The following NWD1 variants were observed in gnomAD, a reference collection of about 807,000 sequenced individuals.
The protein encoded by NWD1 is NACHT domain- and WD repeat-containing protein 1.
A neutral mutation model predicts 135.1 loss-of-function variants in NWD1; 129 were observed. The ratio of observed to expected loss-of-function variants is 0.96; its 90% CI spans 0.83 to 1.11. The LOEUF is 1.11. NWD1 is among the 50% of genes least tolerant of loss of function. The pLI, the probability that NWD1 is intolerant of heterozygous loss-of-function variation, is 0.00. For missense variants in NWD1, 1,740 were observed against 1,851.3 expected, an observed-to-expected ratio of 0.94 and a Z score of 1.10; for synonymous variants, 773 against 786.0, an observed-to-expected ratio of 0.98 and a Z score of 0.28.
chr19:16,795,571 C>T, intron 15 of NWD1, among the ~76,000 whole-genome samples: 1 of 152,050 alleles, frequency 6.6e-6, no homozygotes, highest in African/African-American at 2.4e-5. Context: ...CACCTGCTAC[C>T]ACGTCCCGCT....
intron 13 of NWD1, among the ~76,000 whole-genome samples, chr19:16,791,062 C>T (rs1266280318): frequency 6.6e-6 from 1 of 151,838 alleles, no homozygotes; most frequent in Admixed American, 6.6e-5. Context: ...TCAGACCCTG[C>T]CTCTACAAAA....
In NWD1 at chr19:16,779,466, G is replaced by A. The variant is rs1318909291; in HGVS notation, c.2731+1G>A. Reference sequence around the variant, plus strand: ...ATCCACATGCTAACTGGACACACAGGTGAGACTTGGGAAGTGGGCTTTGTG... The same window carrying A: ...ATCCACATGCTAACTGGACACACAGATGAGACTTGGGAAGTGGGCTTTGTG... On this transcript the variant is annotated splice_donor_variant, in intron 12 of 18. Transcript: ENST00000524140. LOFTEE classifies it high-confidence loss of function. The A allele has an allele frequency of 1.2e-6, 2 of 1,612,704 alleles. No homozygotes were observed. Among genetic ancestry groups the A allele is most frequent in the Non-Finnish European group, 1.7e-6 (2 of 1,179,928 alleles).
intron 6 of NWD1, among the ~76,000 whole-genome samples, chr19:16,752,389 C>T (rs1050165440): frequency 8.5e-5 from 13 of 152,156 alleles, no homozygotes; most frequent in African/African-American, 3.1e-4. Context: ...GGTGCAGTAG[C>T]TCACTCCTGT....
intron 8 of NWD1, among the ~76,000 whole-genome samples, chr19:16,762,606 T>C (rs1338070990): frequency 1.3e-5 from 2 of 152,198 alleles, no homozygotes; most frequent in Middle Eastern, 3.2e-3. Context: ...TTCTCCCTGA[T>C]GTTAAAATCT....
chr19:16,744,472 GAGA>G lies in NWD1; in HGVS notation c.253_255del (p.Lys85del). The G allele has an allele frequency of 1.3e-6, 2 of 1,535,790 alleles. No homozygotes were observed. The highest frequency in any genetic ancestry group is 1.4e-5 in the African/African-American group (1 of 73,134). Reference sequence around the variant, plus strand: ...CTGTCTGATTCCCTCGCGGATCGATGAGAAGGAGTGGGAGGTATTGAGGGACCA... The same window carrying G: ...CTGTCTGATTCCCTCGCGGATCGATGAGGAGTGGGAGGTATTGAGGGACCA... On this transcript the variant is annotated inframe_deletion, in exon 5 of 19. Transcript: ENST00000524140.
chr19:16,792,003 C>T (rs1186971191), intron 14 of NWD1, among the ~76,000 whole-genome samples: 2 of 152,284 alleles, frequency 1.3e-5, no homozygotes, highest in African/African-American at 2.4e-5. Context: ...CATGAGCCAC[C>T]GTGCCCGGCC....
At chr19:16,736,197 C>CTTCTTTCCTTCT (rs760506784) in intron 3 of NWD1, among the ~76,000 whole-genome samples, 148 of 131,344 alleles carry the variant, frequency 1.1e-3, no homozygotes, top group Admixed American at 2.7e-4. Flanking sequence ...TCCTTCTTTC[C>CTTCTTTCCTTCT]TTCCTTCCTT....
intron 4 of NWD1, among the ~76,000 whole-genome samples, chr19:16,742,956 A>AG (rs1437221740): frequency 2.7e-5 from 4 of 150,782 alleles, no homozygotes; most frequent in African/African-American, 7.3e-5. Flanking sequence ...TCTGTCGCCC[A>AG]GGCTGGAGTG....
Position 16,797,655 on chromosome 19 carries a change from C to G in NWD1, c.3305-77C>G. The G allele has an allele frequency of 3.6e-6, 5 of 1,397,186 alleles. No homozygotes were observed. The South Asian group carries it at 5.2e-5, about 15-fold the overall frequency. 86.5% of individuals were successfully genotyped at this position (1,397,186 alleles called of 1,614,324 possible). Reference sequence around the variant, plus strand: ...GAACCACCACATCCGGCCTCCAAAACACCTCTGTTGATGGAAGGAATGACC... The same window carrying G: ...GAACCACCACATCCGGCCTCCAAAAGACCTCTGTTGATGGAAGGAATGACC... On this transcript the variant is annotated intron_variant, in intron 15 of 18. Coordinates refer to ENST00000524140, the MANE Select transcript of NWD1 (RefSeq NM_001007525.5).
At position 16,807,576 on chromosome 19, in the gene NWD1, TC is replaced by T. The variant is rs764535317; in HGVS notation, c.3737-7del. 119 of 1,516,740 alleles carry T rather than the reference TC, an allele frequency of 7.8e-5. No individual in the cohort carries two copies. Among genetic ancestry groups the T allele is most frequent in the Non-Finnish European group, 1.0e-4 (117 of 1,132,588 alleles). The allele number at this position is 1,516,740 out of a possible 1,614,324, so 94.0% of individuals were successfully genotyped here. A position where few individuals can be genotyped will look rare whatever the true frequency, so the allele number is the denominator to read the frequency against. Reference sequence around the variant, plus strand: ...CAGTGTAAGTCATTCTCATTTTTCTTCCCTGGCAGGCGAGGAACAAGATTCC... The same window carrying T: ...CAGTGTAAGTCATTCTCATTTTTCTTCCTGGCAGGCGAGGAACAAGATTCC... On this transcript the variant is annotated splice_polypyrimidine_tract_variant and intron_variant, in intron 17 of 18. Transcript: ENST00000524140.
rs538450036 is a variant in NWD1 at position 16,761,890 on chromosome 19, G to A, written c.1974-89G>A. 141 of 1,104,034 alleles carry A rather than the reference G, an allele frequency of 1.3e-4. 2 individuals carry two copies. In the African/African-American group the frequency reaches 1.9e-3, roughly 15 times the overall value. The allele number at this position is 1,104,034 out of a possible 1,614,324, so 68.4% of individuals were successfully genotyped here. On this transcript the variant is annotated intron_variant, in intron 7 of 18. Transcript: ENST00000524140. ...AACAGAGTGGTTTAGGATGGCTTGG[G>A]ATTTGGGAACTGCCTCCAGGAAGAC...
chr19:16,765,559 C>T (rs2122906737), intron 10 of NWD1, among the ~76,000 whole-genome samples: 1 of 152,176 alleles, frequency 6.6e-6, no homozygotes, highest in African/African-American at 2.4e-5. Flanking sequence ...GTCTCAAACT[C>T]CTGGGCTCAA....
rs1247872351 is a variant in NWD1 at position 16,732,537 on chromosome 19, C to T, written c.81+1259C>T. On this transcript the variant is annotated intron_variant, in intron 3 of 18. Coordinates refer to ENST00000524140, the MANE Select transcript of NWD1 (RefSeq NM_001007525.5). ...GAACGCTGATGGTGTACCTGTTTGG[C>T]ACAGTCCCAAAACAGTAGGAGCCCC... is the stretch of plus-strand genomic sequence containing the variant. Among the ~76,000 whole-genome samples the T allele has an allele frequency of 4.0e-5, 6 of 148,824 alleles. No individual in the cohort carries two copies. In the Admixed American group the frequency reaches 4.0e-4, roughly 10 times the overall value.
At chr19:16,779,738 G>C (rs572834260) in intron 12 of NWD1, among the ~76,000 whole-genome samples, 122 of 152,224 alleles carry the variant, frequency 8.0e-4, no homozygotes, top group African/African-American at 2.8e-3. Flanking sequence ...CCTGGGCCAA[G>C]TGATCCTCCT....
intron 2 of NWD1, among the ~76,000 whole-genome samples, chr19:16,728,103 T>C (rs1267548757): frequency 1.3e-4 from 20 of 151,900 alleles, no homozygotes; most frequent in Admixed American, 1.3e-3. Context: ...AGATATTAGA[T>C]AATAGCATGC....
intron 12 of NWD1, among the ~76,000 whole-genome samples, chr19:16,784,788 G>A (rs893571240): frequency 6.6e-6 from 1 of 151,980 alleles, no homozygotes; most frequent in African/African-American, 2.4e-5. Flanking sequence ...AATTAGCCAG[G>A]TGTGATGGCA....
At chr19:16,757,706 C>T (rs373782906) in intron 6 of NWD1, among the ~76,000 whole-genome samples, 5 of 152,150 alleles carry the variant, frequency 3.3e-5, no homozygotes, top group African/African-American at 1.2e-4. Context: ...CTCAACCTAG[C>T]GGTTCACCCA....
At chr19:16,728,724 C>T (rs891800218) in intron 2 of NWD1, among the ~76,000 whole-genome samples, 3 of 141,914 alleles carry the variant, frequency 2.1e-5, no homozygotes, top group Non-Finnish European at 3.1e-5. Context: ...GCGGGCGAAT[C>T]ACGAGGTCAG....
chr19:16,774,092 C>CCCAT (rs1398635976), intron 11 of NWD1, among the ~76,000 whole-genome samples: 59 of 147,514 alleles, frequency 4.0e-4, no homozygotes, highest in African/African-American at 1.4e-3. Flanking sequence ...CTCCCACCCA[C>CCCAT]CCATCCATTC....
Sources: allele counts gnomAD v4.1 joint callset (sites outside exome capture counted in the v4.1 genomes callset), GRCh38; gene constraint gnomAD v4.1.1; transcripts MANE v1.5; gene names NCBI Gene and HGNC (gene_info 2026-07-23, HGNC 2026-07-21).